The following GUCY2C variants were observed in gnomAD, a reference collection of about 807,000 sequenced individuals.
GUCY2C encodes guanylyl cyclase C.
Under a neutral mutation model 131.1 loss-of-function variants are expected in GUCY2C, and 118 were observed. That is an observed-to-expected ratio of 0.90 (90% CI 0.78 to 1.05). The LOEUF (loss-of-function observed/expected upper bound fraction) is 1.05. Among genes scored for constraint, GUCY2C ranks in the 50% least tolerant of loss-of-function variants. The pLI is 0.00. For missense variants in GUCY2C, 1,161 were observed against 1,304.4 expected (o/e 0.89, Z 1.69); for synonymous variants, 452 against 457.8 (o/e 0.99, Z 0.16).
intron 15 of GUCY2C, among the ~76,000 whole-genome samples, chr12:14,649,836 C>G (rs1236788134): frequency 2.0e-5 from 3 of 152,092 alleles, no homozygotes; most frequent in Non-Finnish European, 4.4e-5. Flanking sequence ...ATTAATAGAG[C>G]CTAGTCAAAG....
intron 15 of GUCY2C, among the ~76,000 whole-genome samples, chr12:14,647,453 G>A (rs1401910655): frequency 5.3e-5 from 8 of 152,058 alleles, no homozygotes; most frequent in African/African-American, 1.2e-4. Context: ...ATAGGGTGTC[G>A]GTAAATCGGC....
In GUCY2C at chr12:14,614,869, A is replaced by T; in HGVS notation, c.3045T>A (p.Thr1015=). 6.3e-7 allele frequency: 1 copy of T among 1,578,494 alleles called. No homozygotes were observed. The highest frequency in any genetic ancestry group is 2.3e-5 in the East Asian group (1 of 42,956). ...DQKFNLPTPP[T]VENQQRLQAE... ...CCCTGCCACACCCAGAAGCTTACAC[A>T]GTAGGAGGGGTTGGCAGGTTGAATT... Residue 1015 remains threonine, a splice_region_variant and synonymous_variant, in exon 26 of 27, where the codon ACT becomes ACA. Coordinates refer to ENST00000261170, the MANE Select transcript of GUCY2C (RefSeq NM_004963.4).
intron 12 of GUCY2C, among the ~76,000 whole-genome samples, chr12:14,654,993 A>G (rs1203476165): frequency 6.6e-6 from 1 of 152,228 alleles, no homozygotes; most frequent in African/African-American, 2.4e-5. Flanking sequence ...GTTTCAGCCA[A>G]TCACAGGAAG....
At position 14,622,031 on chromosome 12, in the gene GUCY2C, T is replaced by C. The variant is rs34890806; in HGVS notation, c.2575A>G (p.Ile859Val). The change falls in exon 22 of 27, where the codon ATT (isoleucine) becomes GTT (valine). Residue 859 changes from isoleucine (I) to valine (V), a missense_variant. Transcript: ENST00000261170. The part of the protein sequence containing the change: ...LNDIYKSFDH[I>V]VDHHDVYKVE... ...TTGTAGACATCATGATGATCAACAATGTGGTCAAAACTCTTATAGATGTCA... is the reference window on the plus strand; with the variant it reads ...TTGTAGACATCATGATGATCAACAACGTGGTCAAAACTCTTATAGATGTCA... The C allele has an allele frequency of 6.3e-5, 101 of 1,605,548 alleles. No homozygotes were observed. In the East Asian group the frequency reaches 2.2e-3, roughly 34 times the overall value.
intron 6 of GUCY2C, among the ~76,000 whole-genome samples, chr12:14,678,516 T>C (rs1331887328): frequency 6.6e-6 from 1 of 152,248 alleles, no homozygotes; most frequent in Non-Finnish European, 1.5e-5. Context: ...GAAATATCAG[T>C]AACTCTGCCC....
At chr12:14,625,961 A>T (rs780352449) in intron 20 of GUCY2C, 46 bp from the exon 21 acceptor site, 1 of 1,102,982 alleles carries the variant, frequency 9.1e-7, no homozygotes, top group Non-Finnish European at 1.4e-6. Context: ...TATTAAGAAA[A>T]CATGAACATC....
intron 19 of GUCY2C, among the ~76,000 whole-genome samples, chr12:14,635,641 A>G (rs1442607848): frequency 6.6e-6 from 1 of 152,136 alleles, no homozygotes; most frequent in African/African-American, 2.4e-5. Flanking sequence ...TGAAAAAATA[A>G]TACAAAGGAT....
chr12:14,613,381 G>T lies in GUCY2C; in HGVS notation c.3048-90C>A. ...CCAGAATAATCAGTTCAGTTAGTCAGTTACTCTTTGAATGCCTATTCTGTG... is the reference window on the plus strand; with the variant it reads ...CCAGAATAATCAGTTCAGTTAGTCATTTACTCTTTGAATGCCTATTCTGTG... On this transcript the variant is annotated intron_variant, in intron 26 of 26. Coordinates refer to ENST00000261170, the MANE Select transcript of GUCY2C (RefSeq NM_004963.4). The surrounding 1 kb of genome is among the most constrained non-coding windows in gnomAD (Gnocchi z 4.9). 1.0e-6 allele frequency: 1 copy of T among 974,910 alleles called. No individual in the cohort carries two copies. Among genetic ancestry groups the T allele is most frequent in the Non-Finnish European group, 1.6e-6 (1 of 617,216 alleles). The allele number at this position is 974,910 out of a possible 1,614,324, so 60.4% of individuals were successfully genotyped here.
At chr12:14,667,015 C>T (rs1947995564) in intron 10 of GUCY2C, among the ~76,000 whole-genome samples, 1 of 152,088 alleles carries the variant, frequency 6.6e-6, no homozygotes, top group South Asian at 2.1e-4. Context: ...CACTTTTACA[C>T]TGTTGGTGGG....
chr12:14,648,264 C>T (rs1390459493), intron 15 of GUCY2C, among the ~76,000 whole-genome samples: 2 of 51,362 alleles, frequency 3.9e-5, no homozygotes, highest in Non-Finnish European at 9.7e-5. Flanking sequence ...CTAGCCTCAT[C>T]TTTAAATTAA....
intron 19 of GUCY2C, among the ~76,000 whole-genome samples, chr12:14,636,404 C>T (rs1947271642): frequency 6.6e-6 from 1 of 152,144 alleles, no homozygotes; most frequent in Non-Finnish European, 1.5e-5. Flanking sequence ...TAATATTCAA[C>T]ATCTCTTCTT....
chr12:14,654,185 T>C (rs1431164852), intron 12 of GUCY2C, among the ~76,000 whole-genome samples: 1 of 152,256 alleles, frequency 6.6e-6, no homozygotes, highest in Non-Finnish European at 1.5e-5. Context: ...TTCTTTTGTC[T>C]GGAATCTTTG....
intron 17 of GUCY2C, among the ~76,000 whole-genome samples, chr12:14,642,582 G>A (rs1476171722): frequency 6.6e-6 from 1 of 152,150 alleles, no homozygotes; most frequent in Admixed American, 6.5e-5. Flanking sequence ...GATCATAAAG[G>A]TTAGGGGTTG....
intron 10 of GUCY2C, among the ~76,000 whole-genome samples, chr12:14,664,717 C>A (rs760385786): frequency 3.8e-4 from 57 of 151,974 alleles, no homozygotes; most frequent in Non-Finnish European, 6.9e-4. Context: ...TTGGAAGGAA[C>A]CTGATAAACT....
chr12:14,680,718 C>T (rs750859743), intron 5 of GUCY2C, among the ~76,000 whole-genome samples: 10 of 152,138 alleles, frequency 6.6e-5, no homozygotes, highest in African/African-American at 1.2e-4. Context: ...TGTTTGGTTA[C>T]ATGAATAAGT....
chr12:14,677,968 A>G (rs1485200667), intron 6 of GUCY2C, among the ~76,000 whole-genome samples: 4 of 152,028 alleles, frequency 2.6e-5, no homozygotes, highest in Non-Finnish European at 5.9e-5. Flanking sequence ...GCTGACCATT[A>G]TTTAATGTTT....
chr12:14,626,996 G>C (rs1054569941), intron 20 of GUCY2C, among the ~76,000 whole-genome samples: 1 of 152,166 alleles, frequency 6.6e-6, no homozygotes, highest in Non-Finnish European at 1.5e-5. Context: ...TCATTACAGA[G>C]AGCCAGGGTC....
In GUCY2C at chr12:14,683,204, G is replaced by T; in HGVS notation, c.449C>A (p.Ser150Ter). The T allele has an allele frequency of 1.2e-6, 2 of 1,613,618 alleles. No individual in the cohort carries two copies. The highest frequency in any genetic ancestry group is 2.2e-5 in the South Asian group (2 of 91,074). Residue 150 changes from serine to a stop codon, truncating the protein, a stop_gained, in exon 4 of 27, where the codon TCA becomes TAA. Coordinates refer to ENST00000261170, the MANE Select transcript of GUCY2C (RefSeq NM_004963.4). LOFTEE classifies it high-confidence loss of function. ...GGTTAAGGTTTCTTTATAGTCACAT[G>T]ACAATCCAAAACTTCCAGCTGAGAT... Reference protein sequence around the residue: ...PMISAGSFGLSCDYKETLTRL... With the variant: ...PMISAGSFGL
intron 3 of GUCY2C, among the ~76,000 whole-genome samples, chr12:14,684,617 C>T (rs1291381749): frequency 4.5e-3 from 88 of 19,592 alleles, no homozygotes; most frequent in African/African-American, 0.015. Flanking sequence ...TCCTTCCTTC[C>T]TTCCTTCCTT....
Sources: gnomAD v4.1 joint callset for allele counts (sites outside exome capture counted in the v4.1 genomes callset) on GRCh38, gnomAD v4.1.1 for gene constraint, Gnocchi (gnomAD v3.1) non-coding constraint, MANE v1.5 for transcripts, NCBI Gene and HGNC (gene_info 2026-07-23, HGNC 2026-07-21) for gene names.